Variants in MTAP observed in about 807,000 individuals in gnomAD.
MTAP encodes S-methyl-5'-thioadenosine phosphorylase.
In MTAP, 33 loss-of-function variants were observed where a neutral mutation model predicts 33.6. The ratio of observed to expected loss-of-function variants is 0.98; its 90% CI spans 0.74 to 1.31. The LOEUF is 1.31. MTAP is among the 40% of genes most tolerant of loss of function. The pLI is 0.00. For synonymous variants in MTAP, 148 were observed against 125.7 expected (o/e 1.18, Z -1.19); for missense variants, 367 against 360.0 (o/e 1.02, Z -0.16).
chr9:21,875,493 C>T (rs1456969209), intron 1 of MTAP, among the ~76,000 whole-genome samples: 2 of 151,872 alleles, frequency 1.3e-5, no homozygotes, highest in Non-Finnish European at 1.5e-5. Context: ...GGATATTAGC[C>T]CTTTGTCAGG....
intron 5 of MTAP, among the ~76,000 whole-genome samples, chr9:21,843,295 G>A (rs988831789): frequency 6.6e-6 from 1 of 152,054 alleles, no homozygotes; most frequent in Non-Finnish European, 1.5e-5. Context: ...AAATGACATA[G>A]ATGGTAACAC....
intron 1 of MTAP, among the ~76,000 whole-genome samples, chr9:21,899,297 G>C (rs112298198): frequency 2.0e-5 from 3 of 151,734 alleles, no homozygotes; most frequent in Non-Finnish European, 4.4e-5. Flanking sequence ...ACAAGTTAAC[G>C]GGTGCAGCAC....
chr9:21,875,734 A>G (rs903334113), intron 1 of MTAP, among the ~76,000 whole-genome samples: 1 of 152,232 alleles, frequency 6.6e-6, no homozygotes, highest in South Asian at 2.1e-4. Context: ...CCTTCTTTTC[A>G]GTGGCTGCAT....
intron 1 of MTAP, among the ~76,000 whole-genome samples, chr9:21,874,627 G>C (rs115417373): frequency 6.6e-6 from 1 of 151,578 alleles, no homozygotes; most frequent in African/African-American, 2.4e-5. Flanking sequence ...TTCTTCCGCT[G>C]TGCAGAAAAG....
chr9:21,908,818 T>C (rs561174722), intron 1 of MTAP, among the ~76,000 whole-genome samples: 6 of 152,164 alleles, frequency 3.9e-5, no homozygotes, highest in African/African-American at 1.2e-4. Context: ...TAAATTATAC[T>C]TGATATTACA....
chr9:21,847,032 G>T (rs192358100), intron 5 of MTAP, among the ~76,000 whole-genome samples: 1 of 152,242 alleles, frequency 6.6e-6, no homozygotes, highest in East Asian at 1.9e-4. Context: ...AATGTGGGTG[G>T]GCACAGTCTA....
intron 1 of MTAP, among the ~76,000 whole-genome samples, chr9:21,877,149 G>T (rs1826023911): frequency 6.6e-6 from 1 of 151,964 alleles, no homozygotes. Context: ...TTCCTGATTT[G>T]GCTCTCTGCT....
intron 5 of MTAP, among the ~76,000 whole-genome samples, chr9:21,845,747 A>G (rs1027881144): frequency 9.2e-5 from 14 of 152,180 alleles, no homozygotes; most frequent in African/African-American, 2.9e-4. Flanking sequence ...TTGTTCACAG[A>G]AATATAAAAA....
chr9:21,865,884 C>A lies in MTAP; in HGVS notation c.*3870C>A, dbSNP rs1825845869. On this transcript the variant is annotated 3_prime_UTR_variant, in exon 8 of 8. Coordinates refer to ENST00000644715, the MANE Select transcript of MTAP (RefSeq NM_002451.4). ...AGTATTCTGTCATATGCCTATCTTA[C>A]AATTTGATTATCTATTCACCTGTTG... is the stretch of plus-strand genomic sequence containing the variant. 2.7e-6 allele frequency: 2 copies of A among 729,498 alleles called. No individual in the cohort carries two copies. The highest frequency in any genetic ancestry group is 6.2e-5 in the South Asian group (1 of 16,084). 45.2% of individuals were successfully genotyped at this position (729,498 alleles called of 1,614,324 possible).
At chr9:21,894,993 G>C (rs574032447) in intron 1 of MTAP, among the ~76,000 whole-genome samples, 1 of 152,190 alleles carries the variant, frequency 6.6e-6, no homozygotes, top group Admixed American at 6.5e-5. Context: ...TCTCCACAAG[G>C]AGAATTACAA....
At position 21,866,727 on chromosome 9, in the gene MTAP, A is replaced by T. The variant is rs1206140688; in HGVS notation, c.*4713A>T. 1 of 152,138 alleles carries T rather than the reference A, an allele frequency of 6.6e-6. No homozygotes were observed. Among genetic ancestry groups the T allele is most frequent in the Non-Finnish European group, 1.5e-5 (1 of 68,006 alleles). The allele number at this position is 152,138 out of a possible 1,614,324, so 9.4% of individuals were successfully genotyped here. On this transcript the variant is annotated 3_prime_UTR_variant, in exon 8 of 8. Coordinates refer to ENST00000644715, the MANE Select transcript of MTAP (RefSeq NM_002451.4). The stretch of plus-strand genomic sequence containing the variant: ...TTGGCTATAGGTCCTTTCTTTATAA[A>T]GTTTATATTAAGCTTCTCCATTTTT...
intron 1 of MTAP, among the ~76,000 whole-genome samples, chr9:21,924,368 C>G (rs1229894406): frequency 1.3e-5 from 2 of 152,180 alleles, no homozygotes; most frequent in Non-Finnish European, 2.9e-5. Flanking sequence ...TAATATTTTT[C>G]TGTATCACAG....
intron 1 of MTAP, among the ~76,000 whole-genome samples, chr9:21,929,296 C>A (rs1268722845): frequency 6.6e-6 from 1 of 152,148 alleles, no homozygotes; most frequent in Non-Finnish European, 1.5e-5. Context: ...CCTCAACATC[C>A]TTTCACCTCA....
At chr9:21,884,263 T>A (rs1033459993) in intron 1 of MTAP, among the ~76,000 whole-genome samples, 1 of 152,166 alleles carries the variant, frequency 6.6e-6, no homozygotes, top group African/African-American at 2.4e-5. Flanking sequence ...CCAACACATA[T>A]ATAAAAACGG....
chr9:21,898,864 C>A (rs539443097), intron 1 of MTAP, among the ~76,000 whole-genome samples: 8 of 152,084 alleles, frequency 5.3e-5, no homozygotes, highest in African/African-American at 1.9e-4. Flanking sequence ...ACCATCTGAC[C>A]CAGCCATCCC....
chr9:21,855,992 C>A (rs1256719168), intron 6 of MTAP: 1 of 177,560 alleles, frequency 5.6e-6, no homozygotes, highest in Non-Finnish European at 1.1e-5. Flanking sequence ...TAATTTTTAA[C>A]AATTTGATCA....
chr9:21,857,657 A>G (rs557840843), intron 6 of MTAP, among the ~76,000 whole-genome samples: 1 of 152,338 alleles, frequency 6.6e-6, no homozygotes, highest in Admixed American at 6.5e-5. Flanking sequence ...CAACCATTAT[A>G]TTAACTTACA....
chr9:21,865,948 A>G lies in MTAP; in HGVS notation c.*3934A>G. ...TTTTTTCCATTTGAGGAATTTTATGAATAAAGCTGCTATAAGCATGAAATT... is the reference window on the plus strand; with the variant it reads ...TTTTTTCCATTTGAGGAATTTTATGGATAAAGCTGCTATAAGCATGAAATT... On this transcript the variant is annotated 3_prime_UTR_variant, in exon 8 of 8. Transcript: ENST00000644715. The G allele has an allele frequency of 3.4e-6, 1 of 295,528 alleles. No individual in the cohort carries two copies. The highest frequency in any genetic ancestry group is 5.0e-6 in the Non-Finnish European group (1 of 198,732). The allele number at this position is 295,528 out of a possible 1,614,324, so 18.3% of individuals were successfully genotyped here.
At chr9:21,815,973 T>C (rs1463783080) in intron 2 of MTAP, among the ~76,000 whole-genome samples, 2 of 152,178 alleles carry the variant, frequency 1.3e-5, no homozygotes, top group African/African-American at 4.8e-5. Flanking sequence ...TACCTGATGT[T>C]AGTTGAATGT....
Sources: gnomAD v4.1 joint callset for allele counts (sites outside exome capture counted in the v4.1 genomes callset) on GRCh38, gnomAD v4.1.1 for gene constraint, MANE v1.5 for transcripts, NCBI Gene and HGNC (gene_info 2026-07-23, HGNC 2026-07-21) for gene names.